The following HECW1 variants were observed in gnomAD, a reference collection of about 807,000 sequenced individuals.
HECW1 encodes the protein E3 ubiquitin-protein ligase HECW1.
HECW1 carries 61 observed loss-of-function variants against 182.3 expected under a neutral mutation model. The ratio of observed to expected loss-of-function variants is 0.33; its 90% CI spans 0.27 to 0.41. The LOEUF is 0.41. Among genes scored for constraint, HECW1 ranks in the 10% least tolerant of loss-of-function variants. The pLI is 1.00. For synonymous variants in HECW1, 859 were observed against 832.6 expected (o/e 1.03, Z -0.55); for missense variants, 1,739 against 2,108.9 (o/e 0.82, Z 3.44).
At chr7:43,311,513 A>G (rs1808496340) in intron 3 of HECW1, 2 of 699,188 alleles carry the variant, frequency 2.9e-6, no homozygotes, top group Non-Finnish European at 5.3e-6. Context: ...GGAGAGGCAG[A>G]GACTCCAACA....
At chr7:43,335,972 TC>T (rs1812111580) in intron 5 of HECW1, among the ~76,000 whole-genome samples, 1 of 86,062 alleles carries the variant, frequency 1.2e-5, no homozygotes, top group African/African-American at 7.5e-5. Flanking sequence ...TTCCTTTCCC[TC>T]TCTCTCTCTT....
intron 19 of HECW1, among the ~76,000 whole-genome samples, chr7:43,497,445 G>T (rs2079161831): frequency 6.6e-6 from 1 of 152,056 alleles, no homozygotes; most frequent in African/African-American, 2.4e-5. Flanking sequence ...AAATATGATT[G>T]CATCTGTGTT....
intron 17 of HECW1, among the ~76,000 whole-genome samples, chr7:43,488,434 GAGAAAGAAAGAAAGAAAGAA>G (rs796394625): frequency 1.0e-3 from 96 of 93,136 alleles, no homozygotes; most frequent in South Asian, 5.4e-3. Flanking sequence ...AAGAAAGAAA[GAGAAAGAAAGAAAGAAAGAA>G]AGAAAGAAAG....
Position 43,466,571 on chromosome 7 carries a change from G to A in HECW1, c.2913+3G>A. The A allele has an allele frequency of 6.2e-7, 1 of 1,612,458 alleles. No individual in the cohort carries two copies. Among genetic ancestry groups the A allele is most frequent in the Non-Finnish European group, 8.5e-7 (1 of 1,179,596 alleles). ...TCACTGTGCTACATGCCAATTATGT[G>A]AGTGCCCTAAAATGCAGAGGGGGCG... On this transcript the variant is annotated splice_donor_region_variant and intron_variant, in intron 15 of 29. Coordinates refer to ENST00000395891, the MANE Select transcript of HECW1 (RefSeq NM_015052.5).
chr7:43,301,824 G>T (rs1490461268), intron 3 of HECW1, among the ~76,000 whole-genome samples: 1 of 151,598 alleles, frequency 6.6e-6, no homozygotes, highest in Non-Finnish European at 1.5e-5. Context: ...ACAGTGAGCT[G>T]GGATCGCACC....
intron 2 of HECW1, among the ~76,000 whole-genome samples, chr7:43,186,358 A>T (rs1413641116): frequency 1.3e-5 from 2 of 152,164 alleles, no homozygotes; most frequent in Non-Finnish European, 2.9e-5. Flanking sequence ...TGTGTATGCT[A>T]GTGGTCCCAT....
intron 2 of HECW1, among the ~76,000 whole-genome samples, chr7:43,192,281 T>G (rs1305426701): frequency 6.6e-6 from 1 of 152,146 alleles, no homozygotes; most frequent in Non-Finnish European, 1.5e-5. Flanking sequence ...AATAGATCAG[T>G]AGGGTGACTC....
chr7:43,165,404 G>C (rs920662844), intron 2 of HECW1, among the ~76,000 whole-genome samples: 3 of 151,326 alleles, frequency 2.0e-5, no homozygotes, highest in Admixed American at 1.3e-4. Flanking sequence ...TGGCGGGGGG[G>C]GGTGTTTGTG....
chr7:43,250,488 T>C (rs1419379506), intron 3 of HECW1, among the ~76,000 whole-genome samples: 1 of 152,086 alleles, frequency 6.6e-6, no homozygotes, highest in Non-Finnish European at 1.5e-5. Flanking sequence ...AGAAGGAGTG[T>C]CAGAAAATGA....
chr7:43,456,993 T>A (rs898977042), intron 13 of HECW1, among the ~76,000 whole-genome samples: 1 of 152,262 alleles, frequency 6.6e-6, no homozygotes, highest in Non-Finnish European at 1.5e-5. Flanking sequence ...TGCCCATCAA[T>A]AATAATTCTT....
At chr7:43,341,985 A>G (rs1328763589) in intron 5 of HECW1, among the ~76,000 whole-genome samples, 2 of 151,822 alleles carry the variant, frequency 1.3e-5, no homozygotes, top group East Asian at 1.9e-4. Flanking sequence ...GCAATTTAAT[A>G]TGGCTTTAAA....
chr7:43,278,784 G>A (rs1803510513), intron 3 of HECW1, among the ~76,000 whole-genome samples: 2 of 151,962 alleles, frequency 1.3e-5, no homozygotes. Flanking sequence ...ACCCCTAGGA[G>A]GTCTTTCCTG....
At chr7:43,283,220 C>T (rs1562780840) in intron 3 of HECW1, among the ~76,000 whole-genome samples, 1 of 151,788 alleles carries the variant, frequency 6.6e-6, no homozygotes, top group Non-Finnish European at 1.5e-5. Context: ...AAGGTCAAAA[C>T]TAATCAAAAC....
intron 6 of HECW1, among the ~76,000 whole-genome samples, chr7:43,370,440 G>C (rs545088108): frequency 6.6e-6 from 1 of 152,162 alleles, no homozygotes; most frequent in African/African-American, 2.4e-5. Flanking sequence ...AAGACAATTT[G>C]GTTGTTACTT....
At chr7:43,502,460 C>T (rs1478418780) in intron 21 of HECW1, among the ~76,000 whole-genome samples, 3 of 152,114 alleles carry the variant, frequency 2.0e-5, no homozygotes, top group East Asian at 1.9e-4. Flanking sequence ...AGTTCGAGAC[C>T]AGCCTGGGCC....
intron 3 of HECW1, among the ~76,000 whole-genome samples, chr7:43,291,891 AGG>A (rs946760193): frequency 3.3e-5 from 5 of 152,222 alleles, no homozygotes; most frequent in African/African-American, 1.2e-4. Flanking sequence ...CAAAGAGAGA[AGG>A]GCCTAGGGAA....
chr7:43,316,132 C>T (rs1809210562), intron 4 of HECW1, among the ~76,000 whole-genome samples: 1 of 152,098 alleles, frequency 6.6e-6, no homozygotes, highest in Admixed American at 6.6e-5. Flanking sequence ...TTTCTGTAAG[C>T]TTTATTAGAC....
At chr7:43,545,088 A>AC (rs1338183583) in intron 26 of HECW1, among the ~76,000 whole-genome samples, 1 of 152,148 alleles carries the variant, frequency 6.6e-6, no homozygotes, top group Admixed American at 6.5e-5. Flanking sequence ...ACATAGCAAG[A>AC]CCCCATCTCT....
chr7:43,247,785 AAAAG>A (rs780428704), intron 3 of HECW1, among the ~76,000 whole-genome samples: 1 of 127,982 alleles, frequency 7.8e-6, no homozygotes, highest in African/African-American at 3.6e-5. Context: ...GAGAGAGAAA[AAAAG>A]AAAAGAAGGA....
Sources: allele counts gnomAD v4.1 joint callset (sites outside exome capture counted in the v4.1 genomes callset), GRCh38; gene constraint gnomAD v4.1.1; transcripts MANE v1.5; gene names NCBI Gene and HGNC (gene_info 2026-07-23, HGNC 2026-07-21).